Variants in TMEFF1 observed in about 807,000 individuals in gnomAD.
TMEFF1 encodes transmembrane protein with EGF like and two follistatin like domains 1.
In TMEFF1, 20 loss-of-function variants were observed where a neutral mutation model predicts 47.5. The observed-to-expected ratio is 0.42, with a 90% CI of 0.30 to 0.61. The LOEUF is 0.61. TMEFF1 is among the 20% of genes least tolerant of loss of function. TMEFF1 has a pLI of 0.19. For synonymous variants in TMEFF1, 162 were observed against 166.3 expected (o/e 0.97, Z 0.20); for missense variants, 411 against 471.1 (o/e 0.87, Z 1.18).
Position 100,498,442 on chromosome 9 carries a change from T to A in TMEFF1, c.197-323T>A, listed in dbSNP as rs187301082. 4.6e-5 allele frequency among the ~76,000 whole-genome samples: 7 copies of A among 152,232 alleles called. No homozygotes were observed. In the East Asian group the frequency reaches 1.2e-3, roughly 25 times the overall value. ...ACCTAAAATGTTAAATAAGAAATAGTAAGATTGCTACCTTAAGGCCTTAGA... is the reference window on the plus strand; with the variant it reads ...ACCTAAAATGTTAAATAAGAAATAGAAAGATTGCTACCTTAAGGCCTTAGA... On this transcript the variant is annotated intron_variant, in intron 1 of 9. Coordinates refer to ENST00000374879, the MANE Select transcript of TMEFF1 (RefSeq NM_003692.5).
chr9:100,519,929 A>G (rs1329831785), intron 5 of TMEFF1, among the ~76,000 whole-genome samples: 2 of 152,158 alleles, frequency 1.3e-5, no homozygotes, highest in African/African-American at 4.8e-5. Flanking sequence ...ACTAATAAAT[A>G]TTAAGTCAAA....
intron 7 of TMEFF1, among the ~76,000 whole-genome samples, chr9:100,561,132 A>T (rs1229608088): frequency 6.6e-6 from 1 of 152,176 alleles, no homozygotes; most frequent in Non-Finnish European, 1.5e-5. Flanking sequence ...TTGTTTTTAA[A>T]CAACAGTAAC....
At chr9:100,562,210 G>A (rs987692055) in intron 8 of TMEFF1, among the ~76,000 whole-genome samples, 1 of 152,036 alleles carries the variant, frequency 6.6e-6, no homozygotes, top group Non-Finnish European at 1.5e-5. Flanking sequence ...GGACATTGCT[G>A]TCATTTTGCT....
At chr9:100,522,430 C>CTTTTTTTTTTT (rs869111876) in intron 5 of TMEFF1, among the ~76,000 whole-genome samples, 29 of 69,648 alleles carry the variant, frequency 4.2e-4, no homozygotes, top group Non-Finnish European at 5.5e-4. Flanking sequence ...GAAATATCTT[C>CTTTTTTTTTTT]TTTTTTTTTT....
intron 5 of TMEFF1, among the ~76,000 whole-genome samples, chr9:100,547,496 ATTACT>A (rs1355842975): frequency 2.6e-5 from 4 of 152,188 alleles, no homozygotes; most frequent in African/African-American, 7.2e-5. Flanking sequence ...ACATCTCCTG[ATTACT>A]TTATCTAGAT....
chr9:100,546,168 C>T (rs898141312), intron 5 of TMEFF1, among the ~76,000 whole-genome samples: 2 of 152,110 alleles, frequency 1.3e-5, no homozygotes, highest in African/African-American at 4.8e-5. Flanking sequence ...AATCTGTTTT[C>T]ACACTGCTGA....
intron 7 of TMEFF1, 130 bp downstream of exon 7, chr9:100,550,290 T>A: frequency 1.4e-6 from 1 of 722,172 alleles, no homozygotes; most frequent in Non-Finnish European, 2.1e-6. Context: ...CTAACACAGT[T>A]AATTATTAGT....
intron 7 of TMEFF1, among the ~76,000 whole-genome samples, chr9:100,552,744 C>T (rs567738144): frequency 7.2e-5 from 11 of 152,008 alleles, no homozygotes; most frequent in South Asian, 2.1e-4. Context: ...GCGATGTGGT[C>T]GCAGCTGCTT....
At chr9:100,553,183 T>G (rs2118524922) in intron 7 of TMEFF1, among the ~76,000 whole-genome samples, 1 of 152,326 alleles carries the variant, frequency 6.6e-6, no homozygotes, top group Middle Eastern at 3.4e-3. Flanking sequence ...TTGACAATCT[T>G]GGACCAAGTT....
chr9:100,536,808 A>AGAT (rs1395971311), intron 5 of TMEFF1, among the ~76,000 whole-genome samples: 1 of 152,232 alleles, frequency 6.6e-6, no homozygotes, highest in African/African-American at 2.4e-5. Context: ...AAGTCAGGTC[A>AGAT]GATGATAGTT....
At position 100,515,815 on chromosome 9, in the gene TMEFF1, A is replaced by C. The variant is rs114747622; in HGVS notation, c.464-860A>C. Among the ~76,000 whole-genome samples, 1,186 of 141,458 alleles carry C rather than the reference A, an allele frequency of 8.4e-3. 4 individuals are homozygous for C. Among genetic ancestry groups the C allele is most frequent in the African/African-American group, 0.017 (652 of 37,528 alleles). The allele number at this position is 141,458 out of a possible 152,430, so 92.8% of individuals were successfully genotyped here. A position where few individuals can be genotyped will look rare whatever the true frequency, so the allele number is the denominator to read the frequency against. ...TCCGTCTGAAAAACAAACAAACAAA[A>C]AAAAAAGACACTCCCTGAATAGTAC... On this transcript the variant is annotated intron_variant, in intron 4 of 9. Transcript: ENST00000374879.
chr9:100,503,911 A>G (rs926991775), intron 2 of TMEFF1, among the ~76,000 whole-genome samples: 4 of 152,224 alleles, frequency 2.6e-5, no homozygotes, highest in South Asian at 2.1e-4. Context: ...TAGTCTGGGC[A>G]CCATGGGGCC....
intron 7 of TMEFF1, among the ~76,000 whole-genome samples, chr9:100,552,280 G>T (rs1838838580): frequency 6.6e-6 from 1 of 152,296 alleles, no homozygotes; most frequent in Admixed American, 6.5e-5. Context: ...TGTGCATATT[G>T]TATACATTGG....
intron 2 of TMEFF1, 109 bp from the exon 3 acceptor site, chr9:100,508,896 A>G (rs1362429429): frequency 7.9e-7 from 1 of 1,270,934 alleles, no homozygotes; most frequent in East Asian, 2.9e-5. Flanking sequence ...ACCCCAGACT[A>G]TTCAGTAGCG....
chr9:100,488,681 G>C (rs773640655), intron 1 of TMEFF1, among the ~76,000 whole-genome samples: 1 of 152,286 alleles, frequency 6.6e-6, no homozygotes, highest in South Asian at 2.1e-4. Context: ...GATAGGTGCT[G>C]TTATTGTCCC....
intron 5 of TMEFF1, among the ~76,000 whole-genome samples, chr9:100,544,434 A>G (rs1838695203): frequency 6.6e-6 from 1 of 152,146 alleles, no homozygotes; most frequent in Non-Finnish European, 1.5e-5. Flanking sequence ...AAACCATCAG[A>G]TCTTGTGAGA....
intron 5 of TMEFF1, among the ~76,000 whole-genome samples, chr9:100,517,648 G>A (rs1838096938): frequency 1.3e-5 from 2 of 152,160 alleles, no homozygotes; most frequent in Admixed American, 6.5e-5. Flanking sequence ...AAGTGGGTGA[G>A]AACTGGCAAA....
rs77144544 is a variant in TMEFF1 at position 100,502,822 on chromosome 9, G to C, written c.306+3948G>C. On this transcript the variant is annotated intron_variant, in intron 2 of 9. Coordinates refer to ENST00000374879, the MANE Select transcript of TMEFF1 (RefSeq NM_003692.5). ...TTTTACCTTGTGGCAAAGCAGGGAA[G>C]GAAAATATGTTGGGAGTTGACACCA... 6.7e-3 allele frequency among the ~76,000 whole-genome samples: 1,015 copies of C among 152,296 alleles called. 6 individuals carry two copies. The highest frequency in any genetic ancestry group is 0.024 in the African/African-American group (987 of 41,550).
intron 9 of TMEFF1, among the ~76,000 whole-genome samples, chr9:100,574,525 C>T (rs759001678): frequency 1.4e-4 from 22 of 152,004 alleles, no homozygotes; most frequent in Non-Finnish European, 2.2e-4. Context: ...GCATGCGCCA[C>T]CATGCCTTGC....
Sources: gnomAD v4.1 joint callset for allele counts (sites outside exome capture counted in the v4.1 genomes callset) on GRCh38, gnomAD v4.1.1 for gene constraint, MANE v1.5 for transcripts, NCBI Gene and HGNC (gene_info 2026-07-23, HGNC 2026-07-21) for gene names.